Variants in LIG1 observed in about 807,000 individuals in gnomAD.
LIG1 encodes ligase I, DNA, ATP-dependent.
In LIG1, 70 loss-of-function variants were observed where a neutral mutation model predicts 115.7. The observed-to-expected ratio is 0.60, with a 90% CI of 0.50 to 0.74. The LOEUF is 0.74. Among genes scored for constraint, LIG1 ranks in the 30% least tolerant of loss-of-function variants. The pLI is 0.00. For synonymous variants in LIG1, 487 were observed against 495.3 expected (o/e 0.98, Z 0.22); for missense variants, 1,115 against 1,225.6 (o/e 0.91, Z 1.35).
intron 14 of LIG1, 47 bp from the exon 15 acceptor site, chr19:48,136,172 A>C (rs756937972): frequency 7.2e-7 from 1 of 1,392,502 alleles, no homozygotes; most frequent in Non-Finnish European, 1.0e-6. Flanking sequence ...GCACCTCCCC[A>C]ATCTTGCCTC....
intron 7 of LIG1, among the ~76,000 whole-genome samples, chr19:48,150,543 G>A (rs3730908): frequency 0.11 from 17,453 of 152,108 alleles, 1,699 homozygotes; most frequent in African/African-American, 0.26. Context: ...CTCCCGGCAA[G>A]TGTTGTTTCT....
intron 18 of LIG1, among the ~76,000 whole-genome samples, chr19:48,131,426 T>C (rs1291039914): frequency 6.6e-6 from 1 of 152,214 alleles, no homozygotes; most frequent in Non-Finnish European, 1.5e-5. Context: ...CCTTGCTGCA[T>C]GTGGGTGCTG....
intron 24 of LIG1, chr19:48,120,725 G>A (rs1399415499): frequency 5.9e-6 from 2 of 337,632 alleles, no homozygotes; most frequent in African/African-American, 2.3e-5. Context: ...CTGGTGCGTG[G>A]AGCAGGCATG....
In LIG1 at chr19:48,137,799, T is replaced by C. The variant is rs1599790359; in HGVS notation, c.1088-111A>G. 1.6e-6 allele frequency: 2 copies of C among 1,280,464 alleles called. No homozygotes were observed. Among genetic ancestry groups the C allele is most frequent in the Non-Finnish European group, 2.2e-6 (2 of 915,920 alleles). 79.3% of individuals were successfully genotyped at this position (1,280,464 alleles called of 1,614,324 possible). The stretch of plus-strand genomic sequence containing the variant: ...TCCAGCTGTGTGTGCTTGTGGCGAG[T>C]CCCTGCACCTCCCTGTGTCTAACGC... On this transcript the variant is annotated intron_variant, in intron 12 of 27. Coordinates refer to ENST00000263274, the MANE Select transcript of LIG1 (RefSeq NM_000234.3). The surrounding 1 kb of genome is among the most constrained non-coding windows in gnomAD (Gnocchi z 4.3).
intron 1 of LIG1, among the ~76,000 whole-genome samples, chr19:48,166,950 ACT>A (rs201177170): frequency 0.043 from 5,993 of 138,490 alleles, 304 homozygotes; most frequent in African/African-American, 0.11. Flanking sequence ...ACAGAGTAAC[ACT>A]CTGTCTCAAA....
intron 2 of LIG1, 67 bp from the exon 3 acceptor site, chr19:48,162,418 G>C (rs2036234196): frequency 4.0e-6 from 4 of 990,458 alleles, no homozygotes; most frequent in Non-Finnish European, 6.2e-6. Context: ...TATCTATGCT[G>C]TATCCTATAA....
chr19:48,160,063 G>A (rs1013351695), intron 4 of LIG1, among the ~76,000 whole-genome samples: 2 of 152,176 alleles, frequency 1.3e-5, no homozygotes, highest in African/African-American at 4.8e-5. Context: ...AGCTGGAAAA[G>A]GCAATTCCTG....
intron 18 of LIG1, among the ~76,000 whole-genome samples, chr19:48,131,933 C>CT (rs2034050170): frequency 1.5e-5 from 2 of 137,470 alleles, no homozygotes; most frequent in Admixed American, 1.5e-4. Context: ...TTGGATCCAC[C>CT]CTTTTTTTTT....
rs867331989 is a variant in LIG1, at chr19:48,130,409, C to T, written c.1821+667G>A. ...GGGGACTCCTCGAACAGGCACGAGA[C>T]CCCTACTGGGTGCAGAGAAGTCCCC... is the stretch of plus-strand genomic sequence containing the variant. On this transcript the variant is annotated intron_variant, in intron 19 of 27. Coordinates refer to ENST00000263274, the MANE Select transcript of LIG1 (RefSeq NM_000234.3). Among the ~76,000 whole-genome samples the T allele has an allele frequency of 2.0e-5, 3 of 152,222 alleles. No individual in the cohort carries two copies. The East Asian group carries it at 5.8e-4, about 29-fold the overall frequency.
At chr19:48,149,563 G>C (rs756715823) in intron 9 of LIG1, among the ~76,000 whole-genome samples, 200 bp downstream of exon 9, 5 of 152,216 alleles carry the variant, frequency 3.3e-5, no homozygotes, top group Non-Finnish European at 5.9e-5. Context: ...CGTTTCTACA[G>C]GTTCTGGGAT....
At position 48,115,502 on chromosome 19, in the gene LIG1, G is replaced by A; in HGVS notation, c.*147C>T. On this transcript the variant is annotated 3_prime_UTR_variant, in exon 28 of 28. Transcript: ENST00000263274. ...GACGGGATGAATCCCAGACTCCGGA[G>A]TAAGCCACCCCCTCACACACACACC... 6.0e-6 allele frequency: 4 copies of A among 671,846 alleles called. No homozygotes were observed. Among genetic ancestry groups the A allele is most frequent in the African/African-American group, 1.8e-5 (1 of 56,244 alleles). 41.6% of individuals were successfully genotyped at this position (671,846 alleles called of 1,614,324 possible).
intron 24 of LIG1, chr19:48,120,169 A>G (rs1191547627): frequency 2.0e-6 from 2 of 985,252 alleles, no homozygotes; most frequent in Admixed American, 6.1e-5. Context: ...CACATTACCC[A>G]TCAGAACAAA....
chr19:48,140,002 A>G lies in LIG1; in HGVS notation c.1056T>C (p.Gly352=), dbSNP rs2034636965. ...QQGLELGVGD[G]VLLKAVAQAT... is the part of the protein sequence containing the mutation. Reference sequence around the variant, plus strand: ...CCTGGGCCACTGCCTTGAGAAGGACACCATCACCCACGCCAAGCTCCAGGC... The same window carrying G: ...CCTGGGCCACTGCCTTGAGAAGGACGCCATCACCCACGCCAAGCTCCAGGC... The change falls in exon 12 of 28, where the codon GGT becomes GGC. Residue 352 remains glycine, a synonymous_variant. Coordinates refer to ENST00000263274, the MANE Select transcript of LIG1 (RefSeq NM_000234.3). The G allele has an allele frequency of 6.2e-7, 1 of 1,614,168 alleles. No individual in the cohort carries two copies. Among genetic ancestry groups the G allele is most frequent in the Non-Finnish European group, 8.5e-7 (1 of 1,180,046 alleles).
At position 48,149,746 on chromosome 19, in the gene LIG1, C is replaced by T. The variant is rs775893357; in HGVS notation, c.776+17G>A. The T allele has an allele frequency of 6.2e-7, 1 of 1,607,476 alleles. No homozygotes were observed. Among genetic ancestry groups the T allele is most frequent in the Middle Eastern group, 1.7e-4 (1 of 6,052 alleles). ...ACACATCCCGAAGAACCTTTCCAGA[C>T]CTGGACACTGACTCACCCCTCAGCA... On this transcript the variant is annotated intron_variant, in intron 9 of 27. Coordinates refer to ENST00000263274, the MANE Select transcript of LIG1 (RefSeq NM_000234.3).
chr19:48,132,910 C>A (rs1268651345), intron 18 of LIG1, 72 bp downstream of exon 18: 8 of 1,123,368 alleles, frequency 7.1e-6, no homozygotes, highest in Non-Finnish European at 1.1e-5. Flanking sequence ...GAAGCTCAGG[C>A]CTCAGTGACC....
rs190624179 is a variant in LIG1, at chr19:48,155,412, G to A, written c.371-1445C>T. ...AAACATCCCATGCTGTTCCCATCTC[G>A]AGGCCTCTGCACGTGCCCTTCTTGT... On this transcript the variant is annotated intron_variant, in intron 5 of 27. Coordinates refer to ENST00000263274, the MANE Select transcript of LIG1 (RefSeq NM_000234.3). Among the ~76,000 whole-genome samples, 152 of 152,124 alleles carry A rather than the reference G, an allele frequency of 1.0e-3. 2 individuals are homozygous for A. The highest frequency in any genetic ancestry group is 3.8e-4 in the Non-Finnish European group (26 of 68,008).
rs540940950 is a variant in LIG1, at chr19:48,141,801, A to G, written c.915-1658T>C. 3.3e-5 allele frequency among the ~76,000 whole-genome samples: 5 copies of G among 152,318 alleles called. No homozygotes were observed. In the South Asian group the frequency reaches 1.0e-3, roughly 32 times the overall value. The stretch of plus-strand genomic sequence containing the variant: ...GCAGAGAAGAAATACAAAAACCAAC[A>G]TCAGGGAAATCCCTCAGTAATCATT... On this transcript the variant is annotated intron_variant, in intron 11 of 27. Coordinates refer to ENST00000263274, the MANE Select transcript of LIG1 (RefSeq NM_000234.3).
intron 9 of LIG1, chr19:48,146,088 T>C (rs544941672): frequency 4.6e-5 from 7 of 152,406 alleles, no homozygotes; most frequent in African/African-American, 1.7e-4. Flanking sequence ...AAGAACATGC[T>C]TCCTCTCATC....
intron 19 of LIG1, among the ~76,000 whole-genome samples, chr19:48,130,316 C>G (rs1023610487): frequency 2.6e-5 from 4 of 152,228 alleles, no homozygotes; most frequent in African/African-American, 9.6e-5. Context: ...GGCACCGTGC[C>G]CCCTGCTTTC....
Sources: allele counts gnomAD v4.1 joint callset (sites outside exome capture counted in the v4.1 genomes callset), GRCh38; gene constraint gnomAD v4.1.1; non-coding constraint Gnocchi (gnomAD v3.1); transcripts MANE v1.5; gene names NCBI Gene and HGNC (gene_info 2026-07-23, HGNC 2026-07-21).